PRRC1: variants seen among roughly 807,000 people sequenced by gnomAD.
The protein encoded by PRRC1 is proline rich coiled-coil 1.
In PRRC1, 39 loss-of-function variants were observed where a neutral mutation model predicts 40.7. The ratio of observed to expected loss-of-function variants is 0.96; its 90% CI spans 0.74 to 1.25. The LOEUF (loss-of-function observed/expected upper bound fraction) is 1.25, where lower values mean the gene tolerates loss of function less well. Among genes scored for constraint, PRRC1 ranks in the 50% most tolerant of loss-of-function variants. The pLI, the probability that PRRC1 is intolerant of heterozygous loss-of-function variation, is 0.00. For synonymous variants in PRRC1, 175 were observed against 193.3 expected, an observed-to-expected ratio of 0.91 and a Z score of 0.79; for missense variants, 573 against 548.3, an observed-to-expected ratio of 1.05 and a Z score of -0.45.
chr5:127,552,841 A>C lies in PRRC1; in HGVS notation c.*925A>C. On this transcript the variant is annotated 3_prime_UTR_variant, in exon 9 of 9. Transcript: ENST00000296666. ...TATGTCTCTTACTTCAATTAAGGTT[A>C]CTTATTTGGTTTGCCTTAAGCATTA... 1 of 984,540 alleles carries C rather than the reference A, an allele frequency of 1.0e-6. No homozygotes were observed. 61.0% of individuals were successfully genotyped at this position (984,540 alleles called of 1,614,324 possible). A position where few individuals can be genotyped will look rare whatever the true frequency, so the allele number is the denominator to read the frequency against.
At chr5:127,519,173 T>C (rs1767393204) in intron 1 of PRRC1, among the ~76,000 whole-genome samples, 1 of 152,122 alleles carries the variant, frequency 6.6e-6, no homozygotes, top group African/African-American at 2.4e-5. Flanking sequence ...TAGTAGAGGG[T>C]GAATGACCAA....
At chr5:127,525,559 A>G (rs566381390) in intron 3 of PRRC1, among the ~76,000 whole-genome samples, 1 of 152,306 alleles carries the variant, frequency 6.6e-6, no homozygotes, top group African/African-American at 2.4e-5. Flanking sequence ...GCTGATTTAC[A>G]TGGTAATTCT....
intron 5 of PRRC1, among the ~76,000 whole-genome samples, chr5:127,532,323 G>T (rs904147723): frequency 6.6e-6 from 1 of 152,140 alleles, no homozygotes; most frequent in Non-Finnish European, 1.5e-5. Context: ...TGGCCAGGAT[G>T]ATCTCGATCT....
intron 8 of PRRC1, 56 bp from the exon 9 acceptor site, chr5:127,551,651 G>A: frequency 6.5e-7 from 1 of 1,530,252 alleles, no homozygotes; most frequent in Non-Finnish European, 9.0e-7. Context: ...CTTATAGCTA[G>A]TTCCAATGAT....
intron 5 of PRRC1, among the ~76,000 whole-genome samples, chr5:127,533,306 T>G (rs1767821067): frequency 6.6e-6 from 1 of 152,158 alleles, no homozygotes; most frequent in Non-Finnish European, 1.5e-5. Flanking sequence ...TATCAGTAAG[T>G]CTTTATTTTA....
intron 6 of PRRC1, 76 bp downstream of exon 6, chr5:127,533,862 T>A (rs1213384444): frequency 6.8e-7 from 1 of 1,476,218 alleles, no homozygotes; most frequent in Non-Finnish European, 9.5e-7. Context: ...ATCTGTTGTC[T>A]CTATGGAGCT....
In PRRC1 at chr5:127,554,432, T is replaced by C. The variant is rs1046579320; in HGVS notation, c.*2516T>C. 3.9e-5 allele frequency: 6 copies of C among 152,196 alleles called. No homozygotes were observed. The highest frequency in any genetic ancestry group is 1.4e-4 in the African/African-American group (6 of 41,444). 9.4% of individuals were successfully genotyped at this position (152,196 alleles called of 1,614,324 possible). On this transcript the variant is annotated 3_prime_UTR_variant, in exon 9 of 9. Transcript: ENST00000296666. Reference sequence around the variant, plus strand: ...TTGGATTTTGTATTTTAATACAAATTATTGAATTTTATAAGCTTGTACACA... The same window carrying C: ...TTGGATTTTGTATTTTAATACAAATCATTGAATTTTATAAGCTTGTACACA...
intron 6 of PRRC1, among the ~76,000 whole-genome samples, chr5:127,537,010 C>T (rs1767918089): frequency 6.6e-6 from 1 of 151,486 alleles, no homozygotes; most frequent in East Asian, 1.9e-4. Flanking sequence ...ACTTACGTTA[C>T]CTTTTAAAAA....
At chr5:127,550,299 A>G (rs541037627) in intron 8 of PRRC1, 2 of 152,252 alleles carry the variant, frequency 1.3e-5, no homozygotes, top group African/African-American at 2.4e-5. Context: ...ATCCTCAGCT[A>G]TTCAGCTCTC....
At chr5:127,546,151 G>T (rs1413497652) in intron 7 of PRRC1, among the ~76,000 whole-genome samples, 1 of 151,742 alleles carries the variant, frequency 6.6e-6, no homozygotes, top group Non-Finnish European at 1.5e-5. Flanking sequence ...CTGTTCCTTA[G>T]TTTTGACATT....
intron 3 of PRRC1, among the ~76,000 whole-genome samples, chr5:127,525,269 G>C (rs1462261705): frequency 6.6e-6 from 1 of 152,080 alleles, no homozygotes; most frequent in Non-Finnish European, 1.5e-5. Flanking sequence ...TTTGTGACTG[G>C]CAACTTTCAC....
chr5:127,521,659 A>G (rs147337763), intron 1 of PRRC1, among the ~76,000 whole-genome samples: 5 of 152,280 alleles, frequency 3.3e-5, no homozygotes, highest in South Asian at 2.1e-4. Flanking sequence ...CTGTTCTTTA[A>G]AAACCCAAGT....
rs762335983 is a variant in PRRC1, at chr5:127,533,665, A to C, written c.800A>C (p.Glu267Ala). Residue 267 changes from glutamate to alanine, a missense_variant, in exon 6 of 9, where the codon GAA (glutamate) becomes GCA (alanine). Coordinates refer to ENST00000296666, the MANE Select transcript of PRRC1 (RefSeq NM_130809.5). ...ELDIVVTSNKEVKVAAVRDAF... is the reference protein window; with the variant it reads ...ELDIVVTSNKAVKVAAVRDAF... ...GATATTGTAGTGACCTCAAATAAAG[A>C]AGTAAAAGTTGCTGCTGTCCGAGAT... 17 of 1,614,016 alleles carry C rather than the reference A, an allele frequency of 1.1e-5. No individual in the cohort carries two copies. The African/African-American group carries it at 2.1e-4, about 20-fold the overall frequency.
intron 4 of PRRC1, among the ~76,000 whole-genome samples, chr5:127,528,228 T>C (rs575907256): frequency 6.6e-6 from 1 of 152,194 alleles, no homozygotes; most frequent in African/African-American, 2.4e-5. Context: ...AGTTTACATT[T>C]TCATTTTAAT....
At chr5:127,549,151 G>A (rs112663533) in intron 8 of PRRC1, 13 of 120,392 alleles carry the variant, frequency 1.1e-4, no homozygotes, top group African/African-American at 4.2e-4. Context: ...AGAACTTTAT[G>A]TAACTAAAAA....
rs1382231740 is a variant in PRRC1, at chr5:127,547,840, G to C, written c.1047G>C (p.Leu349Phe). The C allele has an allele frequency of 6.2e-7, 1 of 1,612,846 alleles. No individual in the cohort carries two copies. The highest frequency in any genetic ancestry group is 8.5e-7 in the Non-Finnish European group (1 of 1,179,272). ...GCAGATGGTTTGACATTGGTTGTTT[G>C]GTGGTTGAAGATCCTGTCCATGGCA... is the stretch of plus-strand genomic sequence containing the variant. ...LPDKWFDIGC[L>F]VVEDPVHGIH... Residue 349 changes from leucine to phenylalanine, a missense_variant, in exon 8 of 9, where the codon TTG becomes TTC. Coordinates refer to ENST00000296666, the MANE Select transcript of PRRC1 (RefSeq NM_130809.5).
At chr5:127,534,167 C>T (rs557771836) in intron 6 of PRRC1, among the ~76,000 whole-genome samples, 1 of 152,064 alleles carries the variant, frequency 6.6e-6, no homozygotes, top group South Asian at 2.1e-4. Flanking sequence ...CCAGGAATTC[C>T]GTCCTCTCTT....
intron 4 of PRRC1, among the ~76,000 whole-genome samples, chr5:127,528,659 T>C (rs1767687670): frequency 6.6e-6 from 1 of 152,146 alleles, no homozygotes; most frequent in Non-Finnish European, 1.5e-5. Context: ...AAAAGACCTT[T>C]TCTCACTACG....
At chr5:127,545,849 T>C (rs1187998696) in intron 7 of PRRC1, among the ~76,000 whole-genome samples, 1 of 152,230 alleles carries the variant, frequency 6.6e-6, no homozygotes, top group Non-Finnish European at 1.5e-5. Context: ...TTGTTTTCTC[T>C]GGCTGCTTTT....
Sources: gnomAD v4.1 joint callset for allele counts (sites outside exome capture counted in the v4.1 genomes callset) on GRCh38, gnomAD v4.1.1 for gene constraint, MANE v1.5 for transcripts, NCBI Gene and HGNC (gene_info 2026-07-23, HGNC 2026-07-21) for gene names.